Variants in BCAS3 observed in about 807,000 individuals in gnomAD.
BCAS3 encodes BCAS3 microtubule associated cell migration factor.
Under a neutral mutation model 116.1 loss-of-function variants are expected in BCAS3, and 53 were observed. The ratio of observed to expected loss-of-function variants is 0.46; its 90% CI spans 0.37 to 0.57. The LOEUF (loss-of-function observed/expected upper bound fraction) is 0.57, where lower values mean the gene tolerates loss of function less well. Ranked by LOEUF, BCAS3 falls within the 20% of genes least tolerant of loss-of-function variation. The probability of loss-of-function intolerance (pLI) is 0.00; values close to 1 mark genes in which losing one functional copy is unlikely to be tolerated. For synonymous variants in BCAS3, 391 were observed against 408.2 expected, an observed-to-expected ratio of 0.96 and a Z score of 0.51; for missense variants, 917 against 1,165.4, an observed-to-expected ratio of 0.79 and a Z score of 3.10.
intron 15 of BCAS3, among the ~76,000 whole-genome samples, chr17:61,003,561 G>A (rs2064432206): frequency 6.6e-6 from 1 of 151,578 alleles, no homozygotes. Flanking sequence ...CCAAAATGCT[G>A]GGGATTACAG....
Position 61,244,662 on chromosome 17 carries a change from G to A in BCAS3, c.2426-123665G>A, listed in dbSNP as rs190416919. ...GCGGATCACGAGGTCAGGAGATCGA[G>A]ACCATCCTGGCTAACACGGTGAAAC... On this transcript the variant is annotated intron_variant, in intron 22 of 23. Coordinates refer to ENST00000407086, the MANE Select transcript of BCAS3 (RefSeq NM_017679.5). This position sits in a 1 kb window ranked among gnomAD's most constrained non-coding sequence, Gnocchi z 4.9. 1.1e-3 allele frequency among the ~76,000 whole-genome samples: 162 copies of A among 152,260 alleles called. 4 individuals are homozygous for A. In the East Asian group the frequency reaches 0.027, roughly 25 times the overall value.
intron 7 of BCAS3, among the ~76,000 whole-genome samples, chr17:60,846,095 A>AT (rs2052506894): frequency 6.6e-6 from 1 of 150,900 alleles, no homozygotes; most frequent in Non-Finnish European, 1.5e-5. Flanking sequence ...TGCCCAATTA[A>AT]TTTTTAAATT....
intron 22 of BCAS3, among the ~76,000 whole-genome samples, chr17:61,127,816 G>A (rs1335652806): frequency 2.7e-5 from 4 of 150,474 alleles, no homozygotes; most frequent in Non-Finnish European, 4.4e-5. Context: ...GGAATAGGGA[G>A]GAAGGGGGCT....
intron 12 of BCAS3, 151 bp downstream of exon 12, chr17:60,910,853 A>G (rs1489811339): frequency 3.5e-5 from 26 of 738,948 alleles, no homozygotes; most frequent in South Asian, 2.5e-4. Context: ...TTTAAAAATG[A>G]TTAGTAACAT....
At chr17:60,909,762 C>T (rs908438591) in intron 11 of BCAS3, among the ~76,000 whole-genome samples, 6 of 151,990 alleles carry the variant, frequency 3.9e-5, no homozygotes, top group African/African-American at 1.4e-4. Context: ...AGAGGATATT[C>T]ACATAGAAGA....
At chr17:60,829,508 A>AAG (rs1351176946) in intron 7 of BCAS3, among the ~76,000 whole-genome samples, 1 of 150,566 alleles carries the variant, frequency 6.6e-6, no homozygotes, top group Admixed American at 6.6e-5. Flanking sequence ...AAAAAAAAAA[A>AAG]GTAGAGAAGG....
At chr17:60,831,179 G>GT (rs1160278107) in intron 7 of BCAS3, among the ~76,000 whole-genome samples, 1 of 150,808 alleles carries the variant, frequency 6.6e-6, no homozygotes, top group Non-Finnish European at 1.5e-5. Flanking sequence ...TGAGTTATAT[G>GT]TTATGTCTTT....
At chr17:61,078,752 C>T (rs1041219406) in intron 21 of BCAS3, among the ~76,000 whole-genome samples, 2 of 152,122 alleles carry the variant, frequency 1.3e-5, no homozygotes, top group African/African-American at 4.8e-5. Context: ...TTATATTCTC[C>T]CTAAATCTAA....
intron 22 of BCAS3, among the ~76,000 whole-genome samples, chr17:61,341,349 G>A (rs1315609855): frequency 2.6e-5 from 4 of 152,166 alleles, no homozygotes; most frequent in Non-Finnish European, 5.9e-5. Flanking sequence ...CGGGGCAGGC[G>A]GTGTCCTCAG....
chr17:60,712,947 G>A (rs1351874366), intron 5 of BCAS3, among the ~76,000 whole-genome samples: 1 of 152,196 alleles, frequency 6.6e-6, no homozygotes, highest in Non-Finnish European at 1.5e-5. Context: ...GACCTGAGCA[G>A]AGATGATAGC....
At position 60,713,867 on chromosome 17, in the gene BCAS3, G is replaced by A. The variant is rs1033059327; in HGVS notation, c.321+4542G>A. On this transcript the variant is annotated intron_variant, in intron 5 of 23. Coordinates refer to ENST00000407086, the MANE Select transcript of BCAS3 (RefSeq NM_017679.5). Reference sequence around the variant, plus strand: ...GTTTGTTTTTGAGACTGAGTCTCACGCTGTTGCCCAGGCTGGAGTGCAGAG... The same window carrying A: ...GTTTGTTTTTGAGACTGAGTCTCACACTGTTGCCCAGGCTGGAGTGCAGAG... Among the ~76,000 whole-genome samples the A allele has an allele frequency of 5.3e-5, 8 of 152,186 alleles. No individual in the cohort carries two copies. In the South Asian group the frequency reaches 6.2e-4, roughly 12 times the overall value.
chr17:61,104,355 T>C lies in BCAS3; in HGVS notation c.2425+19791T>C, dbSNP rs1255641723. On this transcript the variant is annotated intron_variant, in intron 22 of 23. Transcript: ENST00000407086. The surrounding 1 kb of genome is among the most constrained non-coding windows in gnomAD (Gnocchi z 4.1). Reference sequence around the variant, plus strand: ...AAAACTTTTTAAAAAAAGTTTTTCATATAACTTTTTCATCTTGTATAACTG... The same window carrying C: ...AAAACTTTTTAAAAAAAGTTTTTCACATAACTTTTTCATCTTGTATAACTG... Among the ~76,000 whole-genome samples, 1 of 152,210 alleles carries C rather than the reference T, an allele frequency of 6.6e-6. No homozygotes were observed. The highest frequency in any genetic ancestry group is 2.4e-5 in the African/African-American group (1 of 41,446).
chr17:61,270,214 G>A, intron 22 of BCAS3, among the ~76,000 whole-genome samples: 1 of 148,006 alleles, frequency 6.8e-6, no homozygotes, highest in African/African-American at 2.5e-5. Flanking sequence ...CTGCCTCCCA[G>A]GTTCAAGCGA....
intron 22 of BCAS3, among the ~76,000 whole-genome samples, chr17:61,109,283 TTGTGTGTGTGTGTG>T (rs113547904): frequency 1.4e-5 from 2 of 145,348 alleles, no homozygotes; most frequent in Non-Finnish European, 3.0e-5. Context: ...AGTATTCCAT[TTGTGTGTGTGTGTG>T]TGTGTGTGTG....
In BCAS3 at chr17:61,243,559, A is replaced by G. The variant is rs1259682085; in HGVS notation, c.2426-124768A>G. The stretch of plus-strand genomic sequence containing the variant: ...TATTTTTAATTTTTTGAGGAATGTC[A>G]TAAGTGTGTCTCAAGAAAATATAAA... On this transcript the variant is annotated intron_variant, in intron 22 of 23. Coordinates refer to ENST00000407086, the MANE Select transcript of BCAS3 (RefSeq NM_017679.5). The surrounding 1 kb of genome is among the most constrained non-coding windows in gnomAD (Gnocchi z 5.6). Among the ~76,000 whole-genome samples the G allele has an allele frequency of 1.3e-5, 2 of 152,282 alleles. No homozygotes were observed. The highest frequency in any genetic ancestry group is 2.4e-5 in the African/African-American group (1 of 41,564).
rs2058630679 is a variant in BCAS3 at position 61,364,577 on chromosome 17, G to T, written c.2426-3750G>T. ...CAAAAAATTAGCTGGGCATGGTGGT[G>T]CACACCTGTAGTCCCAGCTACTCAG... On this transcript the variant is annotated intron_variant, in intron 22 of 23. Coordinates refer to ENST00000407086, the MANE Select transcript of BCAS3 (RefSeq NM_017679.5). This position sits in a 1 kb window ranked among gnomAD's most constrained non-coding sequence, Gnocchi z 5.4. Among the ~76,000 whole-genome samples, 2 of 152,178 alleles carry T rather than the reference G, an allele frequency of 1.3e-5. No homozygotes were observed. The highest frequency in any genetic ancestry group is 4.8e-5 in the African/African-American group (2 of 41,454).
rs35629112 is a variant in BCAS3 at position 61,251,570 on chromosome 17, CAAA to C, written c.2426-116745_2426-116743del. On this transcript the variant is annotated intron_variant, in intron 22 of 23. Transcript: ENST00000407086. This position sits in a 1 kb window ranked among gnomAD's most constrained non-coding sequence, Gnocchi z 4.7. ...GGGCAACAAGAGCGAAACTCCACCT[CAAA>C]AAAAAAAAAAAGAAAAGAAAGACTG... Among the ~76,000 whole-genome samples the C allele has an allele frequency of 9.2e-5, 13 of 141,366 alleles. No individual in the cohort carries two copies. The highest frequency in any genetic ancestry group is 9.3e-5 in the Non-Finnish European group (6 of 64,784). The allele number at this position is 141,366 out of a possible 152,430, so 92.7% of individuals were successfully genotyped here.
intron 14 of BCAS3, among the ~76,000 whole-genome samples, chr17:60,947,637 A>C (rs1257247571): frequency 6.6e-6 from 1 of 152,142 alleles, no homozygotes; most frequent in Non-Finnish European, 1.5e-5. Context: ...CCCCAGGGAA[A>C]ACTCCTGTCA....
intron 22 of BCAS3, among the ~76,000 whole-genome samples, chr17:61,271,752 C>A (rs1328496090): frequency 1.3e-5 from 2 of 151,972 alleles, no homozygotes; most frequent in Non-Finnish European, 2.9e-5. Context: ...CCATCACACT[C>A]GGCCCCAACT....
Sources: gnomAD v4.1 joint callset for allele counts (sites outside exome capture counted in the v4.1 genomes callset) on GRCh38, gnomAD v4.1.1 for gene constraint, Gnocchi (gnomAD v3.1) non-coding constraint, MANE v1.5 for transcripts, NCBI Gene and HGNC (gene_info 2026-07-23, HGNC 2026-07-21) for gene names.